Variants in DPY19L1 observed in about 807,000 individuals in gnomAD.
DPY19L1 encodes protein C-mannosyl-transferase DPY19L1.
In DPY19L1, 35 loss-of-function variants were observed where a neutral mutation model predicts 96.9. The observed-to-expected ratio is 0.36, with a 90% CI of 0.28 to 0.48. The LOEUF (loss-of-function observed/expected upper bound fraction) is 0.48. DPY19L1 is among the 20% of genes least tolerant of loss of function. The pLI, the probability that DPY19L1 is intolerant of heterozygous loss-of-function variation, is 0.99. For synonymous variants in DPY19L1, 205 were observed against 252.6 expected, an observed-to-expected ratio of 0.81 and a Z score of 1.79; for missense variants, 521 against 777.9, an observed-to-expected ratio of 0.67 and a Z score of 3.93.
intron 6 of DPY19L1, among the ~76,000 whole-genome samples, chr7:35,007,840 T>C (rs1785600646): frequency 6.6e-6 from 1 of 152,036 alleles, no homozygotes; most frequent in Non-Finnish European, 1.5e-5. Flanking sequence ...AAGTCAAGTG[T>C]TCTATGAGAT....
At chr7:34,998,969 A>G (rs1445935406) in intron 6 of DPY19L1, among the ~76,000 whole-genome samples, 1 of 152,208 alleles carries the variant, frequency 6.6e-6, no homozygotes, top group Non-Finnish European at 1.5e-5. Context: ...AGGGAGAAAA[A>G]CCCTGAGAAA....
In DPY19L1 at chr7:34,954,715, A is replaced by G. The variant is rs201273443; in HGVS notation, c.1303T>C (p.Phe435Leu). Residue 435 changes from phenylalanine (F) to leucine (L), a missense_variant, in exon 13 of 22, where the codon TTT becomes CTT. Transcript: ENST00000638088. ...GCACTTACGTCATCTGCAATACCAAAAATTTTAGATGTCAAGTATTTAAGT... is the reference window on the plus strand; with the variant it reads ...GCACTTACGTCATCTGCAATACCAAGAATTTTAGATGTCAAGTATTTAAGT... ...VILKYLTSKI[F>L]GIADDAHIGN... 206 of 1,561,056 alleles carry G rather than the reference A, an allele frequency of 1.3e-4. 1 individual carries two copies. Among genetic ancestry groups the G allele is most frequent in the Middle Eastern group, 3.3e-4 (2 of 5,980 alleles).
intron 13 of DPY19L1, among the ~76,000 whole-genome samples, chr7:34,953,962 C>T (rs1784321096): frequency 6.6e-6 from 1 of 152,026 alleles, no homozygotes; most frequent in Non-Finnish European, 1.5e-5. Context: ...CTTCACATAA[C>T]CCAGTTTCAA....
intron 9 of DPY19L1, 64 bp downstream of exon 9, chr7:34,969,369 T>G: frequency 3.4e-6 from 3 of 887,934 alleles, no homozygotes; most frequent in Non-Finnish European, 4.8e-6. Flanking sequence ...TGTAATTTTA[T>G]GCAAATGAGC....
chr7:35,021,259 T>C (rs545529231), intron 1 of DPY19L1, among the ~76,000 whole-genome samples: 5 of 152,298 alleles, frequency 3.3e-5, no homozygotes, highest in African/African-American at 9.6e-5. Context: ...AAGTTGGCCT[T>C]TGACCTTCAC....
At position 34,973,608 on chromosome 7, in the gene DPY19L1, G is replaced by T; in HGVS notation, c.823-3C>A. 1 of 1,377,378 alleles carries T rather than the reference G, an allele frequency of 7.3e-7. No individual in the cohort carries two copies. The highest frequency in any genetic ancestry group is 1.9e-5 in the South Asian group (1 of 52,450). The allele number at this position is 1,377,378 out of a possible 1,614,324, so 85.3% of individuals were successfully genotyped here. A position where few individuals can be genotyped will look rare whatever the true frequency, so the allele number is the denominator to read the frequency against. On this transcript the variant is annotated splice_polypyrimidine_tract_variant and splice_region_variant and intron_variant, in intron 7 of 21. Transcript: ENST00000638088. ...GGTGTCCACATTACACGGGTACACTGAAAAAAAAAATTTGTAGTATAGTAT... is the reference window on the plus strand; with the variant it reads ...GGTGTCCACATTACACGGGTACACTTAAAAAAAAAATTTGTAGTATAGTAT...
At chr7:35,034,044 C>T (rs1415302747) in intron 1 of DPY19L1, among the ~76,000 whole-genome samples, 1 of 152,088 alleles carries the variant, frequency 6.6e-6, no homozygotes, top group Admixed American at 6.6e-5. Flanking sequence ...CAGGTTATAG[C>T]AGGTGTACCC....
chr7:35,025,982 T>C (rs905980921), intron 1 of DPY19L1, among the ~76,000 whole-genome samples: 7 of 152,338 alleles, frequency 4.6e-5, no homozygotes, highest in African/African-American at 1.7e-4. Context: ...AGAGCCACAG[T>C]GGTCCAAACT....
At chr7:35,029,741 C>T (rs1477950921) in intron 1 of DPY19L1, among the ~76,000 whole-genome samples, 2 of 151,946 alleles carry the variant, frequency 1.3e-5, no homozygotes, top group Non-Finnish European at 2.9e-5. Flanking sequence ...AGAGTGATTC[C>T]CCCAAATGAC....
At chr7:34,999,091 A>T (rs1469188504) in intron 6 of DPY19L1, among the ~76,000 whole-genome samples, 1 of 152,240 alleles carries the variant, frequency 6.6e-6, no homozygotes, top group South Asian at 2.1e-4. Context: ...GTTTTCCTCC[A>T]AAGTGAAGAA....
At chr7:34,944,444 A>G (rs1393536439) in intron 16 of DPY19L1, among the ~76,000 whole-genome samples, 3 of 151,922 alleles carry the variant, frequency 2.0e-5, no homozygotes. Context: ...TCTCCCCCCA[A>G]AATCCCACAA....
intron 1 of DPY19L1, among the ~76,000 whole-genome samples, chr7:35,036,511 G>A (rs1786404283): frequency 6.6e-6 from 1 of 151,944 alleles, no homozygotes; most frequent in Non-Finnish European, 1.5e-5. Flanking sequence ...AGGGCAGCAG[G>A]GAGGATTAAG....
Position 34,954,793 on chromosome 7 carries a change from AC to A in DPY19L1, c.1240-16del. On this transcript the variant is annotated splice_polypyrimidine_tract_variant and intron_variant, in intron 12 of 21. Transcript: ENST00000638088. Reference sequence around the variant, plus strand: ...CCTTGAATAACCTAAACAAAAGAAAACAAAAATAACTTTGATGCTTCATATT... The same window carrying A: ...CCTTGAATAACCTAAACAAAAGAAAAAAAAATAACTTTGATGCTTCATATT... 1.4e-6 allele frequency: 2 copies of A among 1,436,594 alleles called. No homozygotes were observed. Among genetic ancestry groups the A allele is most frequent in the Non-Finnish European group, 1.9e-6 (2 of 1,045,662 alleles). 89.0% of individuals were successfully genotyped at this position (1,436,594 alleles called of 1,614,324 possible).
At chr7:35,028,607 G>A (rs1786184585) in intron 1 of DPY19L1, among the ~76,000 whole-genome samples, 1 of 152,168 alleles carries the variant, frequency 6.6e-6, no homozygotes, top group South Asian at 2.1e-4. Context: ...ACAAGACAGA[G>A]TTCTTAGATC....
intron 6 of DPY19L1, among the ~76,000 whole-genome samples, chr7:34,998,692 C>G (rs1379531525): frequency 1.3e-5 from 2 of 152,220 alleles, no homozygotes; most frequent in Non-Finnish European, 2.9e-5. Context: ...ACACCCTCAT[C>G]ATGCTGTAAT....
Position 34,945,672 on chromosome 7 carries a change from A to T in DPY19L1, c.1539T>A (p.His513Gln), listed in dbSNP as rs768276181. 6.9e-6 allele frequency: 11 copies of T among 1,596,020 alleles called. No individual in the cohort carries two copies. The highest frequency in any genetic ancestry group is 9.4e-6 in the Non-Finnish European group (11 of 1,169,032). ...ATTCTTAATAGCATATTTACCTTAC[A>T]TGTGTCTGTTGTTTAGCTAAGACAC... ...MWGVLAKQQT[H>Q]VRKHQFDHGE... The change falls in exon 16 of 22, where the codon CAT becomes CAA. Residue 513 changes from histidine (H) to glutamine (Q), a missense_variant. Physicochemically the swap from His to Gln is conservative, Grantham distance 24. Coordinates refer to ENST00000638088, the MANE Select transcript of DPY19L1 (RefSeq NM_001366673.1).
intron 1 of DPY19L1, among the ~76,000 whole-genome samples, chr7:35,028,845 T>A (rs1259913630): frequency 6.6e-6 from 1 of 152,234 alleles, no homozygotes; most frequent in Non-Finnish European, 1.5e-5. Context: ...CCTCCCCTTT[T>A]TAGACCATAT....
chr7:35,007,749 A>G (rs1047684135), intron 6 of DPY19L1, among the ~76,000 whole-genome samples: 2 of 152,048 alleles, frequency 1.3e-5, no homozygotes, highest in African/African-American at 4.8e-5. Flanking sequence ...AATCAATTTT[A>G]AAACTCTCTA....
chr7:34,986,896 CAAAG>C (rs1229017372), intron 7 of DPY19L1, among the ~76,000 whole-genome samples: 1 of 151,954 alleles, frequency 6.6e-6, no homozygotes, highest in East Asian at 1.9e-4. Context: ...TTAAAAAACA[CAAAG>C]TAAGGAATTT....
Sources: gnomAD v4.1 joint callset for allele counts (sites outside exome capture counted in the v4.1 genomes callset) on GRCh38, gnomAD v4.1.1 for gene constraint, MANE v1.5 for transcripts, NCBI Gene and HGNC (gene_info 2026-07-23, HGNC 2026-07-21) for gene names.